Variants in GGNBP2 observed in about 807,000 individuals in gnomAD.
The protein encoded by GGNBP2 is gametogenetin binding protein 2, also known as gametogenetin-binding protein 2.
GGNBP2 carries 10 observed loss-of-function variants against 85.9 expected under a neutral mutation model. The ratio of observed to expected loss-of-function variants is 0.12; its 90% CI spans 0.07 to 0.20. The LOEUF (loss-of-function observed/expected upper bound fraction) is 0.20. Ranked by LOEUF, GGNBP2 falls within the 10% of genes least tolerant of loss-of-function variation. GGNBP2 has a pLI of 1.00. For missense variants in GGNBP2, 595 were observed against 857.8 expected (o/e 0.69, Z 3.83); for synonymous variants, 287 against 285.7 (o/e 1.00, Z -0.05).
At chr17:36,560,236 G>C (rs2074404055) in intron 4 of GGNBP2, among the ~76,000 whole-genome samples, 2 of 152,108 alleles carry the variant, frequency 1.3e-5, no homozygotes, top group African/African-American at 4.8e-5. Flanking sequence ...GGGATTATAG[G>C]CATGAGCTAC....
chr17:36,586,072 C>T lies in GGNBP2; in HGVS notation c.1515C>T (p.His505=). 1.2e-6 allele frequency: 2 copies of T among 1,613,942 alleles called. No individual in the cohort carries two copies. Among genetic ancestry groups the T allele is most frequent in the Non-Finnish European group, 1.7e-6 (2 of 1,179,920 alleles). The change falls in exon 12 of 14, where the codon CAC becomes CAT. Residue 505 remains histidine (H), a synonymous_variant. Coordinates refer to ENST00000613102, the MANE Select transcript of GGNBP2 (RefSeq NM_024835.5). ...CAGGTGATGACTCTTGTGTTCATCACTGTGAAGACAAAGAGGATGATGGTG... is the reference window on the plus strand; with the variant it reads ...CAGGTGATGACTCTTGTGTTCATCATTGTGAAGACAAAGAGGATGATGGTG... ...DEHGDDSCVH[H]CEDKEDDGDS...
chr17:36,556,028 T>C (rs1170785410), intron 3 of GGNBP2, among the ~76,000 whole-genome samples: 1 of 152,214 alleles, frequency 6.6e-6, no homozygotes, highest in Admixed American at 6.5e-5. Flanking sequence ...GGAAGGGTAA[T>C]GGTAAATGTG....
intron 6 of GGNBP2, among the ~76,000 whole-genome samples, chr17:36,570,784 G>T (rs1325634606): frequency 6.6e-6 from 1 of 152,210 alleles, no homozygotes; most frequent in Non-Finnish European, 1.5e-5. Flanking sequence ...ACTTTGGGAG[G>T]CTGAAATGGG....
chr17:36,556,230 A>G (rs749886181), intron 3 of GGNBP2, among the ~76,000 whole-genome samples: 4 of 152,212 alleles, frequency 2.6e-5, no homozygotes, highest in Non-Finnish European at 5.9e-5. Context: ...AAGCAGCAGC[A>G]TGCTAGTTAC....
intron 6 of GGNBP2, among the ~76,000 whole-genome samples, chr17:36,571,408 G>A (rs1177129108): frequency 6.6e-6 from 1 of 151,970 alleles, no homozygotes; most frequent in East Asian, 1.9e-4. Flanking sequence ...AAATTAGCCG[G>A]GCTTGGTGGC....
chr17:36,563,180 C>A (rs1009655261), intron 5 of GGNBP2, among the ~76,000 whole-genome samples: 2 of 151,792 alleles, frequency 1.3e-5, no homozygotes, highest in Admixed American at 6.6e-5. Context: ...GCAGGAGAAT[C>A]GCTTGAATCC....
chr17:36,588,564 T>C (rs1268712173), intron 13 of GGNBP2, among the ~76,000 whole-genome samples: 1 of 151,986 alleles, frequency 6.6e-6, no homozygotes, highest in African/African-American at 2.4e-5. Context: ...CTAGTTTTTT[T>C]CTTTTTTATG....
In GGNBP2 at chr17:36,545,765, A is replaced by C; in HGVS notation, c.41A>C (p.Glu14Ala). Residue 14 changes from glutamate (E) to alanine (A), a missense_variant, in exon 2 of 14, where the codon GAG becomes GCG. Physicochemically the swap from Glu to Ala is moderately radical, Grantham distance 107. Coordinates refer to ENST00000613102, the MANE Select transcript of GGNBP2 (RefSeq NM_024835.5). ...LVAVCRDGEE[E>A]FPFERRQIPL... is the part of the protein sequence containing the mutation. ...GCAGTGTGCAGGGACGGGGAGGAGG[A>C]GTTCCCCTTCGAGAGGAGGCAGATT... The C allele has an allele frequency of 4.4e-6, 7 of 1,583,914 alleles. No homozygotes were observed. The highest frequency in any genetic ancestry group is 5.1e-6 in the Non-Finnish European group (6 of 1,165,770).
intron 8 of GGNBP2, 83 bp from the exon 9 acceptor site, chr17:36,581,261 G>A (rs2074646795): frequency 1.1e-6 from 1 of 931,686 alleles, no homozygotes; most frequent in African/African-American, 1.7e-5. Flanking sequence ...CTCCAGTCTG[G>A]GCGACAGAGC....
At chr17:36,586,243 CAG>C (rs1430475508) in intron 12 of GGNBP2, 45 bp downstream of exon 12, 1 of 1,583,062 alleles carries the variant, frequency 6.3e-7, no homozygotes, top group South Asian at 1.1e-5. Context: ...CTGTTGAGGA[CAG>C]AACACGTGTT....
chr17:36,554,135 C>T (rs1273628723), intron 2 of GGNBP2, among the ~76,000 whole-genome samples: 1 of 151,604 alleles, frequency 6.6e-6, no homozygotes, highest in Non-Finnish European at 1.5e-5. Context: ...ATGGTGAAAA[C>T]CCATCTCTAC....
intron 13 of GGNBP2, among the ~76,000 whole-genome samples, chr17:36,588,458 G>A (rs527289609): frequency 1.3e-5 from 2 of 152,236 alleles, no homozygotes; most frequent in South Asian, 4.1e-4. Flanking sequence ...GTTTCTCCAT[G>A]TTGGTCAGGC....
At chr17:36,571,516 C>T (rs566213493) in intron 6 of GGNBP2, among the ~76,000 whole-genome samples, 1 of 151,986 alleles carries the variant, frequency 6.6e-6, no homozygotes, top group Non-Finnish European at 1.5e-5. Flanking sequence ...GCCATTTGCT[C>T]TCCAGCCTCG....
At chr17:36,586,867 C>A in intron 12 of GGNBP2, 130 bp from the exon 13 acceptor site, 1 of 860,174 alleles carries the variant, frequency 1.2e-6, no homozygotes, top group Non-Finnish European at 1.7e-6. Flanking sequence ...GATCCACCTG[C>A]CTCGGCCTCC....
In GGNBP2 at chr17:36,560,918, A is replaced by G. The variant is rs747994272; in HGVS notation, c.527+47A>G. On this transcript the variant is annotated intron_variant, in intron 5 of 13. Coordinates refer to ENST00000613102, the MANE Select transcript of GGNBP2 (RefSeq NM_024835.5). Reference sequence around the variant, plus strand: ...GAGGCTTTGTCATTGTTAAGATTATATATTTGATCATATTTAGTAAAAGAA... The same window carrying G: ...GAGGCTTTGTCATTGTTAAGATTATGTATTTGATCATATTTAGTAAAAGAA... The G allele has an allele frequency of 4.2e-6, 4 of 944,352 alleles. No homozygotes were observed. In the East Asian group the frequency reaches 7.4e-5, roughly 18 times the overall value. 58.5% of individuals were successfully genotyped at this position (944,352 alleles called of 1,614,324 possible).
intron 13 of GGNBP2, chr17:36,587,579 A>G (rs1301151268): frequency 1.6e-5 from 4 of 245,088 alleles, no homozygotes; most frequent in Non-Finnish European, 3.3e-5. Context: ...AACCCTTTGT[A>G]AAGTTAAAAA....
intron 6 of GGNBP2, chr17:36,574,641 C>A: frequency 1.7e-6 from 1 of 581,540 alleles, no homozygotes; most frequent in African/African-American, 1.9e-5. Context: ...GTATAGTTAC[C>A]CAGGGCGGCA....
chr17:36,555,020 C>T lies in GGNBP2; in HGVS notation c.174+120C>T, dbSNP rs1288535386. ...AGGTCTTAATATTGCACTGGAATTG[C>T]TCTTTCACCATTGCTATAGTAAGCA... On this transcript the variant is annotated intron_variant, in intron 3 of 13. Coordinates refer to ENST00000613102, the MANE Select transcript of GGNBP2 (RefSeq NM_024835.5). 6.5e-6 allele frequency: 4 copies of T among 616,656 alleles called. No homozygotes were observed. The African/African-American group carries it at 7.4e-5, about 11-fold the overall frequency. The allele number at this position is 616,656 out of a possible 1,614,324, so 38.2% of individuals were successfully genotyped here. A position where few individuals can be genotyped will look rare whatever the true frequency, so the allele number is the denominator to read the frequency against.
At chr17:36,564,789 GT>G (rs2074452961) in intron 5 of GGNBP2, among the ~76,000 whole-genome samples, 1 of 141,408 alleles carries the variant, frequency 7.1e-6, no homozygotes, top group Non-Finnish European at 1.5e-5. Flanking sequence ...TTTTTAATTT[GT>G]TTAGTCTATT....
Sources: gnomAD v4.1 joint callset for allele counts (sites outside exome capture counted in the v4.1 genomes callset) on GRCh38, gnomAD v4.1.1 for gene constraint, MANE v1.5 for transcripts, NCBI Gene and HGNC (gene_info 2026-07-23, HGNC 2026-07-21) for gene names.